Variants in ETV6 observed in about 807,000 individuals in gnomAD.
ETV6 encodes ETS variant transcription factor 6.
ETV6 carries 16 observed loss-of-function variants against 51.1 expected under a neutral mutation model. The observed-to-expected ratio is 0.31, with a 90% CI of 0.21 to 0.48. ETV6 has a LOEUF of 0.48. Ranked by LOEUF, ETV6 falls within the 20% of genes least tolerant of loss-of-function variation. ETV6 has a pLI of 0.99. For missense variants in ETV6, 458 were observed against 594.8 expected (o/e 0.77, Z 2.39); for synonymous variants, 240 against 224.1 (o/e 1.07, Z -0.64).
intron 1 of ETV6, among the ~76,000 whole-genome samples, chr12:11,706,255 A>G (rs1169604671): frequency 6.6e-6 from 1 of 152,230 alleles, no homozygotes; most frequent in African/African-American, 2.4e-5. Context: ...TTATCCTGAT[A>G]ATAACCGTGT....
At chr12:11,665,729 G>A (rs536092032) in intron 1 of ETV6, among the ~76,000 whole-genome samples, 1 of 152,200 alleles carries the variant, frequency 6.6e-6, no homozygotes, top group Non-Finnish European at 1.5e-5. Flanking sequence ...AAGAAGAAAG[G>A]TAGAGACCTG....
In ETV6 at chr12:11,870,331, A is replaced by G. The variant is rs142531171; in HGVS notation, c.1009+362A>G. On this transcript the variant is annotated intron_variant, in intron 5 of 7. Coordinates refer to ENST00000396373, the MANE Select transcript of ETV6 (RefSeq NM_001987.5). ...CAGCAGCTAATTAATGACCAGACAC[A>G]GCATAAAGAAGCTTTGTCTCAGATT... 2.2e-4 allele frequency among the ~76,000 whole-genome samples: 33 copies of G among 152,308 alleles called. No individual in the cohort carries two copies. The East Asian group carries it at 6.0e-3, about 28-fold the overall frequency.
At chr12:11,882,004 G>GAAGT (rs1947104530) in intron 5 of ETV6, among the ~76,000 whole-genome samples, 1 of 152,204 alleles carries the variant, frequency 6.6e-6, no homozygotes, top group Admixed American at 6.5e-5. Context: ...GTGGGCAATA[G>GAAGT]AAGTGGCTGG....
chr12:11,676,761 C>T (rs931789383), intron 1 of ETV6, among the ~76,000 whole-genome samples: 5 of 152,136 alleles, frequency 3.3e-5, no homozygotes, highest in Non-Finnish European at 5.9e-5. Context: ...TGGTTTTGAG[C>T]TTATGAACAT....
At chr12:11,815,647 T>C (rs1565536736) in intron 2 of ETV6, among the ~76,000 whole-genome samples, 1 of 152,232 alleles carries the variant, frequency 6.6e-6, no homozygotes, top group Non-Finnish European at 1.5e-5. Flanking sequence ...GATGATGTGT[T>C]TGAGAGCACT....
intron 1 of ETV6, among the ~76,000 whole-genome samples, chr12:11,730,696 C>T (rs540994317): frequency 1.3e-5 from 2 of 152,200 alleles, no homozygotes; most frequent in Non-Finnish European, 2.9e-5. Flanking sequence ...AGAATGTGGG[C>T]GGACTTCTGA....
At chr12:11,762,585 G>A (rs1945103729) in intron 2 of ETV6, among the ~76,000 whole-genome samples, 1 of 152,156 alleles carries the variant, frequency 6.6e-6, no homozygotes, top group South Asian at 2.1e-4. Flanking sequence ...AGTTGGCAAG[G>A]GAATGAAGGC....
chr12:11,820,890 G>A (rs1183984250), intron 2 of ETV6, among the ~76,000 whole-genome samples: 1 of 152,184 alleles, frequency 6.6e-6, no homozygotes, highest in Non-Finnish European at 1.5e-5. Flanking sequence ...GATAGATGCA[G>A]GGAAGGAACA....
At chr12:11,762,406 A>C (rs541468716) in intron 2 of ETV6, among the ~76,000 whole-genome samples, 45 of 152,328 alleles carry the variant, frequency 3.0e-4, no homozygotes, top group Middle Eastern at 3.4e-3. Flanking sequence ...GTAACCTGTA[A>C]AAAATTTCAG....
intron 1 of ETV6, among the ~76,000 whole-genome samples, chr12:11,716,330 C>CAAAAAAAAAAA (rs3049068): frequency 6.9e-5 from 4 of 58,096 alleles, no homozygotes; most frequent in Admixed American, 2.7e-4. Flanking sequence ...GACTCCTTCT[C>CAAAAAAAAAAA]AAAAAAAAAA....
intron 1 of ETV6, among the ~76,000 whole-genome samples, chr12:11,706,002 G>C (rs1865066820): frequency 1.3e-5 from 2 of 152,228 alleles, no homozygotes; most frequent in Non-Finnish European, 2.9e-5. Flanking sequence ...GTCACCCCCT[G>C]AACTTTGATG....
chr12:11,675,681 A>T (rs544567419), intron 1 of ETV6, among the ~76,000 whole-genome samples: 1 of 152,162 alleles, frequency 6.6e-6, no homozygotes. Context: ...GGATGTGGTA[A>T]TGTGTGCCTG....
intron 1 of ETV6, among the ~76,000 whole-genome samples, chr12:11,711,492 T>G (rs75613024): frequency 0.053 from 8,062 of 152,318 alleles, 663 homozygotes; most frequent in African/African-American, 0.18. Context: ...TTTTTCTTCA[T>G]ACATCGTGGT....
chr12:11,690,779 C>T (rs1197940004), intron 1 of ETV6, among the ~76,000 whole-genome samples: 1 of 151,432 alleles, frequency 6.6e-6, no homozygotes, highest in Non-Finnish European at 1.5e-5. Flanking sequence ...CCCAGCTACT[C>T]GGGAGGCTGA....
chr12:11,654,520 T>G (rs373423319), intron 1 of ETV6, among the ~76,000 whole-genome samples: 10 of 152,282 alleles, frequency 6.6e-5, no homozygotes, highest in African/African-American at 2.4e-4. Context: ...TCTCTGGCAC[T>G]TCCTAGCTTG....
In ETV6 at chr12:11,716,330, C is replaced by CAAAAAAA. The variant is rs3049068; in HGVS notation, c.34-36096_34-36090dup. On this transcript the variant is annotated intron_variant, in intron 1 of 7. Coordinates refer to ENST00000396373, the MANE Select transcript of ETV6 (RefSeq NM_001987.5). Reference sequence around the variant, plus strand: ...TGGGCGACAGAGCAAGACTCCTTCTCAAAAAAAAAAAAAAAAAAAAAAAAA... The same window carrying CAAAAAAA: ...TGGGCGACAGAGCAAGACTCCTTCTCAAAAAAAAAAAAAAAAAAAAAAAAAAAAAAAA... Among the ~76,000 whole-genome samples, 29 of 58,118 alleles carry CAAAAAAA rather than the reference C, an allele frequency of 5.0e-4. 1 individual carries two copies. Among genetic ancestry groups the CAAAAAAA allele is most frequent in the African/African-American group, 1.8e-3 (29 of 16,008 alleles). 38.1% of individuals were successfully genotyped at this position (58,118 alleles called of 152,430 possible).
chr12:11,855,188 C>T (rs1591722853), intron 4 of ETV6, among the ~76,000 whole-genome samples: 1 of 151,752 alleles, frequency 6.6e-6, no homozygotes, highest in East Asian at 1.9e-4. Context: ...CGCCTGTAGT[C>T]CCAGCTACTT....
chr12:11,799,046 A>G (rs533415497), intron 2 of ETV6, among the ~76,000 whole-genome samples: 1 of 152,264 alleles, frequency 6.6e-6, no homozygotes, highest in South Asian at 2.1e-4. Flanking sequence ...TCAGGAAGAG[A>G]TCTTGGGAAC....
At chr12:11,776,186 C>T (rs1374654177) in intron 2 of ETV6, among the ~76,000 whole-genome samples, 1 of 152,132 alleles carries the variant, frequency 6.6e-6, no homozygotes. Flanking sequence ...TTACACTGAA[C>T]GTGAATCCTC....
Sources: gnomAD v4.1 joint callset for allele counts (sites outside exome capture counted in the v4.1 genomes callset) on GRCh38, gnomAD v4.1.1 for gene constraint, MANE v1.5 for transcripts, NCBI Gene and HGNC (gene_info 2026-07-23, HGNC 2026-07-21) for gene names.